The following TRPM7 variants were observed in gnomAD, a reference collection of about 807,000 sequenced individuals.
TRPM7 encodes the protein transient receptor potential cation channel subfamily M member 7, also known as LTRPC ion channel family member 7.
TRPM7 carries 134 observed loss-of-function variants against 229.7 expected under a neutral mutation model. The ratio of observed to expected loss-of-function variants is 0.58; its 90% CI spans 0.51 to 0.67. The LOEUF (loss-of-function observed/expected upper bound fraction) is 0.67, where lower values mean the gene tolerates loss of function less well. Ranked by LOEUF, TRPM7 falls within the 30% of genes least tolerant of loss-of-function variation. The pLI, the probability that TRPM7 is intolerant of heterozygous loss-of-function variation, is 0.00. For missense variants in TRPM7, 1,901 were observed against 2,210.0 expected, an observed-to-expected ratio of 0.86 and a Z score of 2.80; for synonymous variants, 699 against 715.2, an observed-to-expected ratio of 0.98 and a Z score of 0.36.
At chr15:50,580,003 G>C (rs979358572) in intron 30 of TRPM7, among the ~76,000 whole-genome samples, 2 of 152,024 alleles carry the variant, frequency 1.3e-5, no homozygotes, top group African/African-American at 4.8e-5. Flanking sequence ...CCAACACCTG[G>C]GCTCAAGCGA....
chr15:50,668,306 T>C (rs1436789177), intron 1 of TRPM7, among the ~76,000 whole-genome samples: 2 of 152,226 alleles, frequency 1.3e-5, no homozygotes, highest in African/African-American at 2.4e-5. Flanking sequence ...GTAAGACTCA[T>C]CTTTTTTACT....
intron 12 of TRPM7, among the ~76,000 whole-genome samples, chr15:50,623,774 G>A (rs2060484306): frequency 6.7e-6 from 1 of 150,034 alleles, no homozygotes; most frequent in Non-Finnish European, 1.5e-5. Context: ...ATACCATGAG[G>A]TCAAACAATG....
At chr15:50,654,293 A>T (rs565817471) in intron 3 of TRPM7, among the ~76,000 whole-genome samples, 4 of 151,030 alleles carry the variant, frequency 2.6e-5, no homozygotes, top group Non-Finnish European at 4.4e-5. Flanking sequence ...TAAAAATATA[A>T]AAAATTAGCT....
chr15:50,562,041 T>C (rs1028358600), intron 38 of TRPM7, among the ~76,000 whole-genome samples: 9 of 152,088 alleles, frequency 5.9e-5, no homozygotes, highest in Non-Finnish European at 1.2e-4. Context: ...ATTACAGGCA[T>C]GCACCACCAT....
chr15:50,680,737 C>CT (rs1209731627), intron 1 of TRPM7, among the ~76,000 whole-genome samples: 1 of 152,006 alleles, frequency 6.6e-6, no homozygotes, highest in Non-Finnish European at 1.5e-5. Flanking sequence ...AAAACCTTAA[C>CT]TTTTTTAACT....
rs1048848810 is a variant in TRPM7 at position 50,624,304 on chromosome 15, G to C, written c.1306-4C>G. 1 of 1,575,626 alleles carries C rather than the reference G, an allele frequency of 6.3e-7. No individual in the cohort carries two copies. The highest frequency in any genetic ancestry group is 8.6e-7 in the Non-Finnish European group (1 of 1,165,442). On this transcript the variant is annotated splice_region_variant and splice_polypyrimidine_tract_variant and intron_variant, in intron 11 of 38. Transcript: ENST00000646667. Reference sequence around the variant, plus strand: ...TAGCTTGTTCCAAGGATCCAACCTAGGAGTATCAAATTTAATAAATACATA... The same window carrying C: ...TAGCTTGTTCCAAGGATCCAACCTACGAGTATCAAATTTAATAAATACATA...
intron 13 of TRPM7, among the ~76,000 whole-genome samples, chr15:50,617,546 A>G (rs1596209677): frequency 6.6e-6 from 1 of 152,120 alleles, no homozygotes; most frequent in African/African-American, 2.4e-5. Context: ...GGTTCTTCCT[A>G]TAGGATAGTA....
chr15:50,569,785 G>C, intron 38 of TRPM7, 102 bp downstream of exon 38: 1 of 600,670 alleles, frequency 1.7e-6, no homozygotes. Context: ...GGCACAATTA[G>C]AGACCATTAC....
chr15:50,567,666 T>TA lies in TRPM7; in HGVS notation c.5467+2220dup, dbSNP rs533846136. 4.4e-3 allele frequency among the ~76,000 whole-genome samples: 668 copies of TA among 151,616 alleles called. 7 individuals are homozygous for TA. The highest frequency in any genetic ancestry group is 0.015 in the African/African-American group (625 of 41,292). Reference sequence around the variant, plus strand: ...TAGGAATGCAATACTGGCTCAACATTAAAAAAATCAATCGATGTAATACAC... The same window carrying TA: ...TAGGAATGCAATACTGGCTCAACATTAAAAAAAATCAATCGATGTAATACAC... On this transcript the variant is annotated intron_variant, in intron 38 of 38. Coordinates refer to ENST00000646667, the MANE Select transcript of TRPM7 (RefSeq NM_017672.6).
intron 12 of TRPM7, among the ~76,000 whole-genome samples, chr15:50,621,328 TC>T (rs2060401558): frequency 6.6e-6 from 1 of 152,176 alleles, no homozygotes; most frequent in South Asian, 2.1e-4. Flanking sequence ...ATTGCATTTT[TC>T]TCTAACGGTA....
chr15:50,570,075 G>A lies in TRPM7; in HGVS notation c.5360+29C>T, dbSNP rs753661404. On this transcript the variant is annotated intron_variant, in intron 37 of 38. Coordinates refer to ENST00000646667, the MANE Select transcript of TRPM7 (RefSeq NM_017672.6). ...GTACAAATATAAAATGTGAAATTATGCCTTAATGAAATAGTTAAAACTTAT... is the reference window on the plus strand; with the variant it reads ...GTACAAATATAAAATGTGAAATTATACCTTAATGAAATAGTTAAAACTTAT... 10 of 1,598,108 alleles carry A rather than the reference G, an allele frequency of 6.3e-6. No homozygotes were observed. In the East Asian group the frequency reaches 1.6e-4, roughly 25 times the overall value.
chr15:50,613,890 G>A (rs1010821135), intron 14 of TRPM7, 49 bp from the exon 15 acceptor site: 3 of 1,579,256 alleles, frequency 1.9e-6, no homozygotes, highest in Non-Finnish European at 2.6e-6. Context: ...GTGCTGACAT[G>A]TTATAAAAAT....
chr15:50,593,808 TCA>T (rs1290781442), intron 24 of TRPM7, 59 bp from the exon 25 acceptor site: 2 of 1,515,240 alleles, frequency 1.3e-6, no homozygotes, highest in Non-Finnish European at 1.8e-6. Flanking sequence ...CAACTTTAGC[TCA>T]TAATTCTTAC....
intron 3 of TRPM7, among the ~76,000 whole-genome samples, chr15:50,650,192 C>CAAAAAAA (rs59579538): frequency 5.3e-4 from 33 of 62,288 alleles, no homozygotes; most frequent in Non-Finnish European, 7.4e-4. Context: ...GACTTTGTCT[C>CAAAAAAA]AAAAAAAAAA....
chr15:50,592,412 C>A lies in TRPM7; in HGVS notation c.3823G>T (p.Ala1275Ser), dbSNP rs2059529015. 2 of 1,614,126 alleles carry A rather than the reference C, an allele frequency of 1.2e-6. No individual in the cohort carries two copies. The highest frequency in any genetic ancestry group is 1.7e-6 in the Non-Finnish European group (2 of 1,180,026). ...GGACCATCATCAATAAGGTTTTGAGCCAAGTGTTTGGAAATGCTCAGTTCT... is the reference window on the plus strand; with the variant it reads ...GGACCATCATCAATAAGGTTTTGAGACAAGTGTTTGGAAATGCTCAGTTCT... Reference protein sequence around the residue: ...TRELSISKHLAQNLIDDGPVR... With the variant: ...TRELSISKHLSQNLIDDGPVR... Residue 1275 changes from alanine (A) to serine (S), a missense_variant, in exon 26 of 39, where the codon GCT (alanine) becomes TCT (serine). Physicochemically the swap from Ala to Ser is moderately conservative, Grantham distance 99 (BLOSUM62 1). This residue lies in a region of TRPM7 where 533 missense variants were observed against 497.1 expected (regional missense o/e 1.07). Transcript: ENST00000646667.
rs1284865129 is a variant in TRPM7 at position 50,609,786 on chromosome 15, T to C, written c.2436+20A>G. 10 of 1,601,476 alleles carry C rather than the reference T, an allele frequency of 6.2e-6. No homozygotes were observed. Among genetic ancestry groups the C allele is most frequent in the South Asian group, 3.5e-5 (3 of 86,954 alleles). ...ATTCAGAACAAACTTATATTTACTTTAAAATGTTTTCCTGCTTACCATGGG... is the reference window on the plus strand; with the variant it reads ...ATTCAGAACAAACTTATATTTACTTCAAAATGTTTTCCTGCTTACCATGGG... On this transcript the variant is annotated intron_variant, in intron 18 of 38. Transcript: ENST00000646667.
intron 1 of TRPM7, among the ~76,000 whole-genome samples, chr15:50,683,650 T>C (rs1340424907): frequency 6.6e-6 from 1 of 152,020 alleles, no homozygotes; most frequent in Non-Finnish European, 1.5e-5. Context: ...CAGAATCGCT[T>C]GAACCAGGAG....
At position 50,589,618 on chromosome 15, in the gene TRPM7, T is replaced by G; in HGVS notation, c.4363A>C (p.Thr1455Pro). The change falls in exon 27 of 39, where the codon ACA (threonine) becomes CCA (proline). Residue 1455 changes from threonine (T) to proline (P), a missense_variant. Physicochemically the swap from Thr to Pro is conservative, Grantham distance 38. This residue lies in a region of TRPM7 where 533 missense variants were observed against 497.1 expected (regional missense o/e 1.07). Transcript: ENST00000646667. The part of the protein sequence containing the change: ...DSMDLQRFKE[T>P]SNKIKILSNN... Reference sequence around the variant, plus strand: ...GATAGTATTTTTATCTTGTTTGATGTTTCTTTAAACCTCTGTAAATCCATG... The same window carrying G: ...GATAGTATTTTTATCTTGTTTGATGGTTCTTTAAACCTCTGTAAATCCATG... 6.3e-7 allele frequency: 1 copy of G among 1,592,840 alleles called. No individual in the cohort carries two copies. Among genetic ancestry groups the G allele is most frequent in the Non-Finnish European group, 8.6e-7 (1 of 1,164,706 alleles).
rs747448501 is a variant in TRPM7, at chr15:50,639,480, T to C, written c.604A>G (p.Ile202Val). The change falls in exon 6 of 39, where the codon ATC (isoleucine) becomes GTC (valine). Residue 202 changes from isoleucine (I) to valine (V), a missense_variant. By Grantham distance (29) the Ile-to-Val change is conservative. Transcript: ENST00000646667. ...ATCACTCCCCATGGAGCTATTCCGA[T>C]AGTGCAAATCTTTCGAGATGATCTG... ...ASRSSRKICTIGIAPWGVIEN... is the reference protein window; with the variant it reads ...ASRSSRKICTVGIAPWGVIEN... The C allele has an allele frequency of 2.5e-6, 4 of 1,612,144 alleles. No individual in the cohort carries two copies. The highest frequency in any genetic ancestry group is 2.7e-5 in the African/African-American group (2 of 74,926).
Sources: gnomAD v4.1 joint callset for allele counts (sites outside exome capture counted in the v4.1 genomes callset) on GRCh38, gnomAD v4.1.1 for gene constraint, gnomAD v4.1.1 regional missense constraint, MANE v1.5 for transcripts, NCBI Gene and HGNC (gene_info 2026-07-23, HGNC 2026-07-21) for gene names.